The following MEI4 variants were observed in gnomAD, a reference collection of about 807,000 sequenced individuals.
MEI4 encodes the protein meiosis-specific protein MEI4.
In MEI4, 27 loss-of-function variants were observed where a neutral mutation model predicts 31.4. The ratio of observed to expected loss-of-function variants is 0.86; its 90% CI spans 0.63 to 1.19. The LOEUF (loss-of-function observed/expected upper bound fraction) is 1.19. Among genes scored for constraint, MEI4 ranks in the 50% most tolerant of loss-of-function variants. The pLI is 0.00. For synonymous variants in MEI4, 122 were observed against 145.4 expected, an observed-to-expected ratio of 0.84 and a Z score of 1.16; for missense variants, 329 against 398.9, an observed-to-expected ratio of 0.82 and a Z score of 1.49.
chr6:77,729,669 T>C (rs950324178), intron 2 of MEI4, among the ~76,000 whole-genome samples: 9 of 152,162 alleles, frequency 5.9e-5, no homozygotes, highest in Admixed American at 1.3e-4. Context: ...CCCCTTTTTA[T>C]TCAGCATTTA....
intron 1 of MEI4, among the ~76,000 whole-genome samples, chr6:77,660,513 G>A (rs1410074522): frequency 6.6e-6 from 1 of 151,856 alleles, no homozygotes; most frequent in African/African-American, 2.4e-5. Flanking sequence ...TGGAGAATAG[G>A]AGTATGACCG....
chr6:77,874,964 T>C (rs909210024), intron 4 of MEI4, among the ~76,000 whole-genome samples: 12 of 152,346 alleles, frequency 7.9e-5, no homozygotes, highest in Non-Finnish European at 1.5e-4. Context: ...CTTCACCTGC[T>C]TTTAGTTTCC....
Position 77,923,441 on chromosome 6 carries a change from G to A in MEI4, c.*95G>A. 7.2e-6 allele frequency: 7 copies of A among 973,906 alleles called. No homozygotes were observed. The highest frequency in any genetic ancestry group is 3.3e-5 in the East Asian group (1 of 30,178). 60.3% of individuals were successfully genotyped at this position (973,906 alleles called of 1,614,324 possible). On this transcript the variant is annotated 3_prime_UTR_variant, in exon 5 of 5. Coordinates refer to ENST00000684080, the MANE Select transcript of MEI4 (RefSeq NM_001322247.2). The stretch of plus-strand genomic sequence containing the variant: ...AAGATTTTCAATAGTATTTTAATTA[G>A]CATTTTAGAATTGATCTCTAAATAT...
At chr6:77,702,804 T>C (rs1398268428) in intron 2 of MEI4, among the ~76,000 whole-genome samples, 2 of 152,218 alleles carry the variant, frequency 1.3e-5, no homozygotes, top group Non-Finnish European at 2.9e-5. Context: ...CTGAGACATA[T>C]CAAATTTCTT....
At chr6:77,894,933 T>C (rs1455652673) in intron 4 of MEI4, among the ~76,000 whole-genome samples, 2 of 152,204 alleles carry the variant, frequency 1.3e-5, no homozygotes, top group African/African-American at 4.8e-5. Context: ...CTAGGAAGAA[T>C]ATTTTCTGTT....
chr6:77,736,702 T>C (rs1767246254), intron 2 of MEI4, among the ~76,000 whole-genome samples: 1 of 151,866 alleles, frequency 6.6e-6, no homozygotes, highest in African/African-American at 2.4e-5. Flanking sequence ...ATGTAGAAAA[T>C]ACAGAAAGAT....
intron 2 of MEI4, among the ~76,000 whole-genome samples, chr6:77,738,464 A>G (rs1767312831): frequency 6.6e-6 from 1 of 151,938 alleles, no homozygotes. Context: ...TATCTATTTT[A>G]TCAGTATTTT....
intron 2 of MEI4, among the ~76,000 whole-genome samples, chr6:77,709,876 T>C (rs1766418251): frequency 6.6e-6 from 1 of 152,216 alleles, no homozygotes; most frequent in Non-Finnish European, 1.5e-5. Flanking sequence ...TTCTCATGTG[T>C]TTATTTTTTA....
At chr6:77,729,423 T>C (rs1205057148) in intron 2 of MEI4, among the ~76,000 whole-genome samples, 2 of 152,238 alleles carry the variant, frequency 1.3e-5, no homozygotes, top group Non-Finnish European at 2.9e-5. Flanking sequence ...TAGTAGTATC[T>C]GGGTTTTACA....
At chr6:77,708,122 C>CA (rs1402810119) in intron 2 of MEI4, among the ~76,000 whole-genome samples, 1 of 152,182 alleles carries the variant, frequency 6.6e-6, no homozygotes, top group Non-Finnish European at 1.5e-5. Context: ...ATGTTAGAGC[C>CA]ATTGGCAACG....
intron 3 of MEI4, among the ~76,000 whole-genome samples, chr6:77,784,079 A>G (rs902059883): frequency 2.0e-5 from 3 of 152,050 alleles, no homozygotes; most frequent in Admixed American, 6.6e-5. Flanking sequence ...TCTTTAGCCT[A>G]TTTTTTAAAT....
chr6:77,770,871 G>T (rs1768296601), intron 3 of MEI4, among the ~76,000 whole-genome samples: 2 of 152,084 alleles, frequency 1.3e-5, no homozygotes, highest in Non-Finnish European at 2.9e-5. Context: ...ATTCTGGACA[G>T]TACCTGGTGA....
At chr6:77,853,958 A>T (rs542353676) in intron 4 of MEI4, among the ~76,000 whole-genome samples, 1 of 152,216 alleles carries the variant, frequency 6.6e-6, no homozygotes, top group Non-Finnish European at 1.5e-5. Flanking sequence ...TTTTCTTGAC[A>T]GTTATGAATC....
At chr6:77,731,228 G>A (rs1309483416) in intron 2 of MEI4, among the ~76,000 whole-genome samples, 20 of 148,422 alleles carry the variant, frequency 1.3e-4, no homozygotes, top group Admixed American at 1.1e-3. Flanking sequence ...GGTTGAACTA[G>A]TTTACAGTCC....
chr6:77,807,054 G>T (rs889416053), intron 3 of MEI4, among the ~76,000 whole-genome samples: 3 of 151,616 alleles, frequency 2.0e-5, no homozygotes, highest in African/African-American at 7.3e-5. Context: ...GGTCTGATCA[G>T]ATTTATGACT....
At position 77,841,720 on chromosome 6, in the gene MEI4, G is replaced by A. The variant is rs7745357; in HGVS notation, c.900+12658G>A. ...AAATAATTAAAGTGGAAGCTAATAA[G>A]CATTTTAATAATTTAAAATAATGTA... is the stretch of plus-strand genomic sequence containing the variant. On this transcript the variant is annotated intron_variant, in intron 4 of 4. Transcript: ENST00000684080. Among the ~76,000 whole-genome samples, 1,390 of 152,044 alleles carry A rather than the reference G, an allele frequency of 9.1e-3. 17 individuals are homozygous for A. Among genetic ancestry groups the A allele is most frequent in the African/African-American group, 0.031 (1,287 of 41,480 alleles).
At chr6:77,738,370 T>G (rs577347576) in intron 2 of MEI4, among the ~76,000 whole-genome samples, 1 of 152,214 alleles carries the variant, frequency 6.6e-6, no homozygotes, top group Admixed American at 6.5e-5. Flanking sequence ...AGAAGAGTGA[T>G]GCAAATTGCT....
chr6:77,901,446 C>T (rs1766186811), intron 4 of MEI4, among the ~76,000 whole-genome samples: 3 of 151,992 alleles, frequency 2.0e-5, no homozygotes, highest in Non-Finnish European at 4.4e-5. Flanking sequence ...TTTTAATTTA[C>T]ATTTCCCTGA....
At chr6:77,663,360 G>A (rs1768549957) in intron 1 of MEI4, among the ~76,000 whole-genome samples, 1 of 151,994 alleles carries the variant, frequency 6.6e-6, no homozygotes, top group Non-Finnish European at 1.5e-5. Context: ...TGCATGATCG[G>A]TCGCCAAGGA....
Sources: gnomAD v4.1 joint callset for allele counts (sites outside exome capture counted in the v4.1 genomes callset) on GRCh38, gnomAD v4.1.1 for gene constraint, MANE v1.5 for transcripts, NCBI Gene and HGNC (gene_info 2026-07-23, HGNC 2026-07-21) for gene names.